Variants in KLF13 observed in about 807,000 individuals in gnomAD.
KLF13 encodes the protein KLF transcription factor 13, also known as Krueppel-like factor 13.
A neutral mutation model predicts 16.7 loss-of-function variants in KLF13; 8 were observed. The observed-to-expected ratio is 0.48, with a 90% CI of 0.28 to 0.87. KLF13 has a LOEUF of 0.87. Among genes scored for constraint, KLF13 ranks in the 40% least tolerant of loss-of-function variants. The pLI is 0.10. For missense variants in KLF13, 447 were observed against 452.2 expected (o/e 0.99, Z 0.10); for synonymous variants, 245 against 208.4 (o/e 1.18, Z -1.51).
intron 1 of KLF13, among the ~76,000 whole-genome samples, chr15:31,347,589 A>G (rs1350245201): frequency 6.6e-6 from 1 of 152,198 alleles, no homozygotes; most frequent in Non-Finnish European, 1.5e-5. Flanking sequence ...AGGGCATCCT[A>G]TGGCAGGCCC....
intron 1 of KLF13, among the ~76,000 whole-genome samples, chr15:31,351,291 G>A (rs1456602698): frequency 6.6e-6 from 1 of 152,192 alleles, no homozygotes; most frequent in East Asian, 1.9e-4. Flanking sequence ...TTGAGAAACA[G>A]GAAAGTATCA....
chr15:31,394,234 T>G (rs899564550), intron 2 of KLF13, among the ~76,000 whole-genome samples: 2 of 151,978 alleles, frequency 1.3e-5, no homozygotes, highest in Non-Finnish European at 2.9e-5. Flanking sequence ...CCTAACACTT[T>G]GGGAGGCTGA....
chr15:31,398,830 T>C (rs988734825), intron 2 of KLF13, among the ~76,000 whole-genome samples: 1 of 152,190 alleles, frequency 6.6e-6, no homozygotes, highest in Non-Finnish European at 1.5e-5. Flanking sequence ...GGGAAGAGCC[T>C]GCAGCCAGGC....
chr15:31,368,820 T>TTAGATAGATAGA (rs373136224), intron 1 of KLF13, among the ~76,000 whole-genome samples: 2 of 151,722 alleles, frequency 1.3e-5, no homozygotes, highest in Non-Finnish European at 2.9e-5. Context: ...CTATCTCAGA[T>TTAGATAGATAGA]TAGATAGATA....
downstream of KLF13, among the ~76,000 whole-genome samples, chr15:31,382,843 A>G (rs1041909204): frequency 1.3e-5 from 2 of 152,196 alleles, no homozygotes; most frequent in African/African-American, 4.8e-5. Flanking sequence ...CTTGGAACTC[A>G]GAGACAGACA....
At chr15:31,328,590 C>T (rs2038765361) in intron 1 of KLF13, among the ~76,000 whole-genome samples, 1 of 151,774 alleles carries the variant, frequency 6.6e-6, no homozygotes, top group South Asian at 2.1e-4. Context: ...CTCTCACCTG[C>T]CCTGGGCCGG....
intron 1 of KLF13, among the ~76,000 whole-genome samples, chr15:31,330,752 G>T (rs769055943): frequency 6.6e-6 from 1 of 152,214 alleles, no homozygotes; most frequent in African/African-American, 2.4e-5. Flanking sequence ...TTAGGTAATT[G>T]TTGATATTAT....
At position 31,327,118 on chromosome 15, in the gene KLF13, G is replaced by GC; in HGVS notation, c.-90dup. On this transcript the variant is annotated 5_prime_UTR_variant, in exon 1 of 2. Transcript: ENST00000307145. ...CCAGCCCGAGGAGAGGGCGCGCCGC[G>GC]CCCCCGCCCCCCGCCCGCTCTCCCG... 3.0e-6 allele frequency: 2 copies of GC among 675,644 alleles called. No individual in the cohort carries two copies. Among genetic ancestry groups the GC allele is most frequent in the Non-Finnish European group, 3.7e-6 (2 of 535,836 alleles). 41.9% of individuals were successfully genotyped at this position (675,644 alleles called of 1,614,324 possible).
intron 1 of KLF13, among the ~76,000 whole-genome samples, chr15:31,356,424 C>T (rs1400335346): frequency 1.3e-5 from 2 of 152,158 alleles, no homozygotes; most frequent in Admixed American, 6.5e-5. Flanking sequence ...TGGTGGCGGG[C>T]GCCTGTAATC....
chr15:31,358,333 T>A (rs574272930), intron 1 of KLF13, among the ~76,000 whole-genome samples: 1 of 152,348 alleles, frequency 6.6e-6, no homozygotes, highest in South Asian at 2.1e-4. Flanking sequence ...CAAAACATCG[T>A]TTTCCCAAGT....
At chr15:31,390,602 G>A (rs1358974136), upstream of KLF13, among the ~76,000 whole-genome samples, 1 of 152,130 alleles carries the variant, frequency 6.6e-6, no homozygotes, top group Non-Finnish European at 1.5e-5. Context: ...TTAGAGGCAG[G>A]TCATTTTTTC....
At chr15:31,369,311 A>G (rs1369452571) in intron 1 of KLF13, among the ~76,000 whole-genome samples, 1 of 152,216 alleles carries the variant, frequency 6.6e-6, no homozygotes, top group Non-Finnish European at 1.5e-5. Flanking sequence ...CATGACCACA[A>G]CTGTGTAAAG....
intron 1 of KLF13, among the ~76,000 whole-genome samples, chr15:31,338,352 T>C (rs1429716260): frequency 6.6e-6 from 1 of 152,200 alleles, no homozygotes; most frequent in East Asian, 1.9e-4. Flanking sequence ...ATTTGCAGCA[T>C]GTGTGTATGT....
chr15:31,424,226 G>T (rs1476180699), intron 1 of KLF13, among the ~76,000 whole-genome samples: 1 of 152,000 alleles, frequency 6.6e-6, no homozygotes, highest in African/African-American at 2.4e-5. Flanking sequence ...AATTTGATGA[G>T]ACCAACATTA....
downstream of KLF13, among the ~76,000 whole-genome samples, chr15:31,408,087 T>C (rs1217060381): frequency 6.6e-6 from 1 of 152,134 alleles, no homozygotes; most frequent in Non-Finnish European, 1.5e-5. Flanking sequence ...ACTATCTCTG[T>C]TTGCAGATGA....
intron 1 of KLF13, among the ~76,000 whole-genome samples, chr15:31,329,090 C>T (rs1386661946): frequency 6.6e-6 from 1 of 152,116 alleles, no homozygotes; most frequent in African/African-American, 2.4e-5. Flanking sequence ...CTCGGACTAA[C>T]TTTCCCCAGG....
chr15:31,406,701 C>T (rs2040133550), downstream of KLF13, among the ~76,000 whole-genome samples: 1 of 152,216 alleles, frequency 6.6e-6, no homozygotes, highest in South Asian at 2.1e-4. Flanking sequence ...TCTGGAGGCT[C>T]TAAGGGACAA....
At chr15:31,356,725 G>T (rs1218174528) in intron 1 of KLF13, among the ~76,000 whole-genome samples, 1 of 152,200 alleles carries the variant, frequency 6.6e-6, no homozygotes, top group African/African-American at 2.4e-5. Context: ...TTACTCGTGC[G>T]GTTTGGAGCT....
Position 31,423,164 on chromosome 15 carries a change from T to TATACGTATATATACGTATATATAC in KLF13, n.118-12206_118-12205insATACGTATATATACGTATATATAC, listed in dbSNP as rs371896440. Among the ~76,000 whole-genome samples the TATACGTATATATACGTATATATAC allele has an allele frequency of 3.7e-3, 95 of 25,372 alleles. 32 individuals carry two copies. The highest frequency in any genetic ancestry group is 0.029 in the African/African-American group (80 of 2,802). The allele number at this position is 25,372 out of a possible 152,430, so 16.6% of individuals were successfully genotyped here. ...GTATACGTATATATACGTATATATATGTATATATATACATATATACGTATA... is the reference window on the plus strand; with the variant it reads ...GTATACGTATATATACGTATATATATATACGTATATATACGTATATATACGTATATATATACATATATACGTATA... On this transcript the variant is annotated intron_variant and non_coding_transcript_variant, in intron 1 of 1. Transcript: ENST00000558225.
Sources: gnomAD v4.1 joint callset for allele counts (sites outside exome capture counted in the v4.1 genomes callset) on GRCh38, gnomAD v4.1.1 for gene constraint, MANE v1.5 for transcripts, NCBI Gene and HGNC (gene_info 2026-07-23, HGNC 2026-07-21) for gene names.